CTIF: variants seen among roughly 807,000 people sequenced by gnomAD.
The protein encoded by CTIF is CBP80/20-dependent translation initiation factor.
In CTIF, 21 loss-of-function variants were observed where a neutral mutation model predicts 66.0. The observed-to-expected ratio is 0.32, with a 90% CI of 0.23 to 0.46. The LOEUF is 0.46. Ranked by LOEUF, CTIF falls within the 20% of genes least tolerant of loss-of-function variation. The probability of loss-of-function intolerance (pLI) is 1.00; values close to 1 mark genes in which losing one functional copy is unlikely to be tolerated. For missense variants in CTIF, 739 were observed against 812.7 expected, an observed-to-expected ratio of 0.91 and a Z score of 1.10; for synonymous variants, 345 against 326.4, an observed-to-expected ratio of 1.06 and a Z score of -0.62.
At chr18:48,651,622 G>A (rs2091157496) in intron 3 of CTIF, among the ~76,000 whole-genome samples, 1 of 152,190 alleles carries the variant, frequency 6.6e-6, no homozygotes, top group Admixed American at 6.5e-5. Flanking sequence ...AGACCTAATA[G>A]ACATCTACAG....
intron 7 of CTIF, among the ~76,000 whole-genome samples, chr18:48,740,968 G>C (rs2092548029): frequency 6.6e-6 from 1 of 152,132 alleles, no homozygotes; most frequent in African/African-American, 2.4e-5. Context: ...GTGACCTGGG[G>C]CAAGTTACTT....
At chr18:48,783,984 A>G (rs7237395) in intron 9 of CTIF, among the ~76,000 whole-genome samples, 43,383 of 152,120 alleles carry the variant, frequency 0.29, 6,238 homozygotes, top group East Asian at 0.38. Context: ...ACATTGCTCC[A>G]TGTGCACTCT....
At chr18:48,631,169 G>A (rs940487416) in intron 2 of CTIF, among the ~76,000 whole-genome samples, 5 of 152,158 alleles carry the variant, frequency 3.3e-5, no homozygotes, top group African/African-American at 1.2e-4. Flanking sequence ...CCCAATCTCT[G>A]CTCATAAAAC....
In CTIF at chr18:48,860,072, A is replaced by C; in HGVS notation, c.*513A>C. ...CGTGTAGCAGATGTCCGGGAGGACA[A>C]AGGCAGGCACGGTCCCCACCAGCCG... On this transcript the variant is annotated 3_prime_UTR_variant, in exon 12 of 12. Coordinates refer to ENST00000256413, the MANE Select transcript of CTIF (RefSeq NM_014772.3). The C allele has an allele frequency of 4.9e-6, 2 of 407,938 alleles. No homozygotes were observed. The highest frequency in any genetic ancestry group is 1.0e-5 in the Non-Finnish European group (2 of 199,252). The allele number at this position is 407,938 out of a possible 1,614,324, so 25.3% of individuals were successfully genotyped here.
At chr18:48,592,237 CACCT>C (rs112824833) in intron 1 of CTIF, among the ~76,000 whole-genome samples, 58,020 of 151,650 alleles carry the variant, frequency 0.38, 13,496 homozygotes, top group African/African-American at 0.67. Context: ...CAGTGGCTCA[CACCT>C]ACCTGTAATC....
chr18:48,728,753 A>AGAGAGAGAGAGAGAGAGG (rs1406010185), intron 7 of CTIF, among the ~76,000 whole-genome samples: 25 of 150,168 alleles, frequency 1.7e-4, no homozygotes, highest in African/African-American at 6.3e-4. Context: ...AGAGAGAGAG[A>AGAGAGAGAGAGAGAGAGG]GAGAGAGAGA....
intron 7 of CTIF, among the ~76,000 whole-genome samples, chr18:48,746,385 G>T (rs540291205): frequency 3.3e-5 from 5 of 151,928 alleles, no homozygotes; most frequent in Non-Finnish European, 5.9e-5. Context: ...GGACACCAGG[G>T]TCACAGCTTG....
chr18:48,672,682 T>C (rs184973212), intron 6 of CTIF, among the ~76,000 whole-genome samples: 1 of 152,194 alleles, frequency 6.6e-6, no homozygotes, highest in Admixed American at 6.5e-5. Context: ...GAGGTTGGCC[T>C]CAAGCCCATT....
intron 10 of CTIF, among the ~76,000 whole-genome samples, chr18:48,852,351 T>C (rs1390707126): frequency 2.1e-5 from 3 of 146,006 alleles, no homozygotes; most frequent in African/African-American, 7.5e-5. Flanking sequence ...TTCCCTCCGA[T>C]CCCAGTCCCA....
At chr18:48,832,152 G>C (rs1274986587) in intron 10 of CTIF, among the ~76,000 whole-genome samples, 1 of 149,984 alleles carries the variant, frequency 6.7e-6, no homozygotes, top group African/African-American at 2.5e-5. Flanking sequence ...CTCCCTGCAG[G>C]GTCTGGAAAA....
intron 6 of CTIF, among the ~76,000 whole-genome samples, chr18:48,680,484 C>A (rs1021275243): frequency 2.6e-5 from 4 of 152,270 alleles, no homozygotes; most frequent in African/African-American, 9.6e-5. Flanking sequence ...TGAGAAGAGG[C>A]CAGCAGGGGT....
intron 10 of CTIF, among the ~76,000 whole-genome samples, chr18:48,848,434 G>A (rs1398024513): frequency 2.6e-5 from 4 of 152,218 alleles, no homozygotes; most frequent in Non-Finnish European, 1.5e-5. Flanking sequence ...CAGGGGCTGG[G>A]CTGAGCTTTT....
At chr18:48,711,026 A>G (rs769095586) in intron 6 of CTIF, among the ~76,000 whole-genome samples, 3 of 152,188 alleles carry the variant, frequency 2.0e-5, no homozygotes, top group Non-Finnish European at 4.4e-5. Context: ...AGCTAATTCC[A>G]TGTTTTCCTA....
chr18:48,679,305 A>T lies in CTIF; in HGVS notation c.507+8561A>T, dbSNP rs926469144. Among the ~76,000 whole-genome samples the T allele has an allele frequency of 2.0e-5, 3 of 152,246 alleles. 1 individual carries two copies. Among genetic ancestry groups the T allele is most frequent in the African/African-American group, 7.2e-5 (3 of 41,450 alleles). On this transcript the variant is annotated intron_variant, in intron 6 of 11. Transcript: ENST00000256413. ...GCAAAGCTGTGCTAAGAGTCAAAATACAATAAACCAGTTCATATAATGACA... is the reference window on the plus strand; with the variant it reads ...GCAAAGCTGTGCTAAGAGTCAAAATTCAATAAACCAGTTCATATAATGACA...
intron 6 of CTIF, among the ~76,000 whole-genome samples, chr18:48,675,431 G>A (rs2091610993): frequency 6.6e-6 from 1 of 152,204 alleles, no homozygotes; most frequent in Admixed American, 6.5e-5. Flanking sequence ...GGGCACCAGC[G>A]CACCACTCTG....
At position 48,691,252 on chromosome 18, in the gene CTIF, C is replaced by T. The variant is rs139840603; in HGVS notation, c.508-20367C>T. On this transcript the variant is annotated intron_variant, in intron 6 of 11. Coordinates refer to ENST00000256413, the MANE Select transcript of CTIF (RefSeq NM_014772.3). Reference sequence around the variant, plus strand: ...ACTGGGAATCCACTTGACTTCCAGACGTCTAGAAACAAAGGGATTGTGCCC... The same window carrying T: ...ACTGGGAATCCACTTGACTTCCAGATGTCTAGAAACAAAGGGATTGTGCCC... 2.4e-3 allele frequency among the ~76,000 whole-genome samples: 363 copies of T among 152,276 alleles called. 1 individual carries two copies. Among genetic ancestry groups the T allele is most frequent in the Non-Finnish European group, 4.0e-3 (269 of 68,024 alleles).
At chr18:48,782,715 G>T (rs566299181) in intron 9 of CTIF, among the ~76,000 whole-genome samples, 1 of 152,344 alleles carries the variant, frequency 6.6e-6, no homozygotes, top group Non-Finnish European at 1.5e-5. Context: ...ATGAGATGTG[G>T]TTCAGTCCAA....
intron 1 of CTIF, among the ~76,000 whole-genome samples, chr18:48,586,391 C>T (rs2089769729): frequency 6.6e-6 from 1 of 152,052 alleles, no homozygotes; most frequent in Non-Finnish European, 1.5e-5. Context: ...CTGTCTCAGC[C>T]TCCCAAGTAA....
At chr18:48,805,480 A>G (rs902256635) in intron 9 of CTIF, among the ~76,000 whole-genome samples, 2 of 151,988 alleles carry the variant, frequency 1.3e-5, no homozygotes, top group Non-Finnish European at 2.9e-5. Context: ...AGTCTGACAC[A>G]GGGGAGACTC....
Sources: gnomAD v4.1 joint callset for allele counts (sites outside exome capture counted in the v4.1 genomes callset) on GRCh38, gnomAD v4.1.1 for gene constraint, MANE v1.5 for transcripts, NCBI Gene and HGNC (gene_info 2026-07-23, HGNC 2026-07-21) for gene names.